NCKAP5: variants seen among roughly 807,000 people sequenced by gnomAD.
NCKAP5 encodes the protein nck-associated protein 5.
In NCKAP5, 92 loss-of-function variants were observed where a neutral mutation model predicts 167.0. The ratio of observed to expected loss-of-function variants is 0.55; its 90% CI spans 0.47 to 0.66. The LOEUF (loss-of-function observed/expected upper bound fraction) is 0.66. NCKAP5 is among the 30% of genes least tolerant of loss of function. The pLI is 0.00. For synonymous variants in NCKAP5, 891 were observed against 877.4 expected (o/e 1.02, Z -0.27); for missense variants, 2,378 against 2,315.0 (o/e 1.03, Z -0.56).
chr2:133,178,859 G>C (rs1218697518), intron 5 of NCKAP5, among the ~76,000 whole-genome samples: 1 of 147,918 alleles, frequency 6.8e-6, no homozygotes, highest in Non-Finnish European at 1.5e-5. Context: ...AAAAACCCAG[G>C]TCTCTCCTAA....
At chr2:132,970,922 C>T (rs2076814024) in intron 7 of NCKAP5, among the ~76,000 whole-genome samples, 1 of 152,196 alleles carries the variant, frequency 6.6e-6, no homozygotes, top group South Asian at 2.1e-4. Flanking sequence ...AATGTGACTT[C>T]TCCATCTTCT....
intron 19 of NCKAP5, among the ~76,000 whole-genome samples, chr2:132,678,557 T>C (rs7560280): frequency 0.088 from 13,319 of 152,150 alleles, 1,915 homozygotes; most frequent in African/African-American, 0.3. Context: ...ATCAAGAAAA[T>C]ATGTGGTAGG....
intron 3 of NCKAP5, among the ~76,000 whole-genome samples, chr2:133,425,892 C>A (rs1427294373): frequency 2.6e-5 from 4 of 152,158 alleles, no homozygotes; most frequent in African/African-American, 9.7e-5. Flanking sequence ...ACTGAAAATT[C>A]CCTGAAGTGA....
At chr2:132,758,248 T>A (rs928775196) in intron 16 of NCKAP5, among the ~76,000 whole-genome samples, 1 of 152,102 alleles carries the variant, frequency 6.6e-6, no homozygotes, top group Non-Finnish European at 1.5e-5. Flanking sequence ...GTGGAATGAG[T>A]GTGTGGATCA....
intron 3 of NCKAP5, among the ~76,000 whole-genome samples, chr2:133,310,338 A>T (rs1297282151): frequency 6.6e-6 from 1 of 152,208 alleles, no homozygotes; most frequent in Non-Finnish European, 1.5e-5. Flanking sequence ...TCTTAGCATC[A>T]GCCATCTTGA....
At chr2:133,570,953 T>C (rs925395309), upstream of NCKAP5, among the ~76,000 whole-genome samples, 6 of 152,156 alleles carry the variant, frequency 3.9e-5, no homozygotes, top group Non-Finnish European at 8.8e-5. Context: ...TACCAGGCCT[T>C]TATAGTAGAA....
chr2:132,880,474 A>T (rs988651919), intron 8 of NCKAP5, among the ~76,000 whole-genome samples: 2 of 152,084 alleles, frequency 1.3e-5, no homozygotes, highest in Admixed American at 6.5e-5. Context: ...TACTAAAAAT[A>T]TAAAAATTAA....
At chr2:133,234,413 T>C (rs2087297796) in intron 4 of NCKAP5, among the ~76,000 whole-genome samples, 1 of 152,232 alleles carries the variant, frequency 6.6e-6, no homozygotes. Context: ...TGTGCTATTC[T>C]GCCAAACTAT....
chr2:133,484,115 C>T (rs1457697063), intron 3 of NCKAP5, among the ~76,000 whole-genome samples: 1 of 152,038 alleles, frequency 6.6e-6, no homozygotes, highest in Non-Finnish European at 1.5e-5. Context: ...ATGGATTTGC[C>T]CACCAGTGTC....
intron 4 of NCKAP5, among the ~76,000 whole-genome samples, chr2:133,296,018 C>A (rs1196020438): frequency 6.6e-6 from 1 of 152,166 alleles, no homozygotes; most frequent in Non-Finnish European, 1.5e-5. Flanking sequence ...GGGGACCAAA[C>A]CAACTGCCCT....
chr2:132,968,220 A>G (rs1360327977), intron 7 of NCKAP5, among the ~76,000 whole-genome samples: 1 of 152,224 alleles, frequency 6.6e-6, no homozygotes, highest in Non-Finnish European at 1.5e-5. Context: ...GGGGAGTGGT[A>G]GGTTCTGATT....
intron 8 of NCKAP5, among the ~76,000 whole-genome samples, chr2:132,918,975 C>T (rs1225378309): frequency 6.6e-6 from 1 of 152,168 alleles, no homozygotes; most frequent in Non-Finnish European, 1.5e-5. Flanking sequence ...GGAGTTGGCA[C>T]CATGGTAAGT....
rs1348359096 is a variant in NCKAP5 at position 133,322,211 on chromosome 2, T to C, written c.70-19101A>G. ...TAAAAACACCAATACTTAAGTCAAA[T>C]ATTTTTGTACCCACTATGCAAATAG... On this transcript the variant is annotated intron_variant, in intron 3 of 19. Transcript: ENST00000409261. 6.6e-5 allele frequency among the ~76,000 whole-genome samples: 10 copies of C among 152,320 alleles called. No individual in the cohort carries two copies. The East Asian group carries it at 1.7e-3, about 26-fold the overall frequency.
intron 2 of NCKAP5, among the ~76,000 whole-genome samples, chr2:133,546,905 C>T (rs200589792): frequency 6.6e-6 from 1 of 152,166 alleles, no homozygotes; most frequent in Non-Finnish European, 1.5e-5. Context: ...CAGCTACGGT[C>T]TACAGCTCCC....
chr2:133,253,705 T>C (rs973900004), intron 4 of NCKAP5, among the ~76,000 whole-genome samples: 23 of 152,208 alleles, frequency 1.5e-4, no homozygotes, highest in East Asian at 1.2e-3. Context: ...AGTTTCCTTA[T>C]ATGTAAAATG....
chr2:133,418,107 C>T (rs939986765), intron 3 of NCKAP5, among the ~76,000 whole-genome samples: 1 of 152,180 alleles, frequency 6.6e-6, no homozygotes, highest in Non-Finnish European at 1.5e-5. Context: ...ATGATTTAAG[C>T]CTTTGCAAAC....
chr2:133,238,176 C>T (rs981563467), intron 4 of NCKAP5, among the ~76,000 whole-genome samples: 1 of 152,138 alleles, frequency 6.6e-6, no homozygotes, highest in Non-Finnish European at 1.5e-5. Context: ...ATGAGCACAC[C>T]TATTTTATCC....
intron 3 of NCKAP5, among the ~76,000 whole-genome samples, chr2:133,377,932 G>C (rs1686263885): frequency 6.6e-6 from 1 of 152,100 alleles, no homozygotes; most frequent in African/African-American, 2.4e-5. Flanking sequence ...GCTGGGGGCA[G>C]GGCTGCTCTC....
chr2:132,914,288 C>A (rs546484050), intron 8 of NCKAP5, among the ~76,000 whole-genome samples: 5 of 150,810 alleles, frequency 3.3e-5, no homozygotes, highest in Admixed American at 6.6e-5. Context: ...AGAAATGTTT[C>A]TTTTTAAATT....
Sources: allele counts gnomAD v4.1 joint callset (sites outside exome capture counted in the v4.1 genomes callset), GRCh38; gene constraint gnomAD v4.1.1; transcripts MANE v1.5; gene names NCBI Gene and HGNC (gene_info 2026-07-23, HGNC 2026-07-21).